Variants in LRRC4C observed in about 807,000 individuals in gnomAD.
LRRC4C encodes the protein leucine-rich repeat-containing protein 4C.
Under a neutral mutation model 33.6 loss-of-function variants are expected in LRRC4C, and 5 were observed. That is an observed-to-expected ratio of 0.15 (90% CI 0.08 to 0.31). LRRC4C has a LOEUF of 0.31. Among genes scored for constraint, LRRC4C ranks in the 10% least tolerant of loss-of-function variants. The pLI is 1.00. For missense variants in LRRC4C, 560 were observed against 796.7 expected (o/e 0.70, Z 3.58); for synonymous variants, 329 against 302.0 (o/e 1.09, Z -0.93).
intron 2 of LRRC4C, among the ~76,000 whole-genome samples, chr11:40,875,683 C>G (rs983910112): frequency 6.6e-6 from 1 of 152,102 alleles, no homozygotes; most frequent in Non-Finnish European, 1.5e-5. Flanking sequence ...CATATTTAAT[C>G]CCTTAACTCA....
At chr11:41,265,432 A>C (rs1027622496) in intron 1 of LRRC4C, among the ~76,000 whole-genome samples, 108 of 152,262 alleles carry the variant, frequency 7.1e-4, no homozygotes, top group African/African-American at 2.5e-3. Flanking sequence ...TAAAATTAAG[A>C]ATAGGGGACC....
chr11:41,104,677 A>C (rs761257198), intron 1 of LRRC4C, among the ~76,000 whole-genome samples: 5 of 151,994 alleles, frequency 3.3e-5, no homozygotes, highest in Admixed American at 6.6e-5. Flanking sequence ...TCGTGGCAAC[A>C]GTATTTATAA....
chr11:41,300,595 C>T (rs1363592308), intron 1 of LRRC4C, among the ~76,000 whole-genome samples: 2 of 152,120 alleles, frequency 1.3e-5, no homozygotes, highest in African/African-American at 4.8e-5. Flanking sequence ...CTTTTCTTCC[C>T]TTTCCGAGGC....
chr11:40,622,655 A>G (rs138441081), intron 3 of LRRC4C, among the ~76,000 whole-genome samples: 7 of 151,896 alleles, frequency 4.6e-5, no homozygotes, highest in Non-Finnish European at 1.0e-4. Flanking sequence ...ACTTAATATT[A>G]TATTGTTTAA....
intron 1 of LRRC4C, among the ~76,000 whole-genome samples, chr11:41,392,134 T>C (rs78850811): frequency 2.0e-5 from 3 of 151,844 alleles, no homozygotes; most frequent in Admixed American, 1.3e-4. Flanking sequence ...CACTATAACA[T>C]GTTTGCTGTG....
chr11:40,396,929 G>GT (rs1271863585), intron 3 of LRRC4C, among the ~76,000 whole-genome samples: 1 of 151,980 alleles, frequency 6.6e-6, no homozygotes, highest in Non-Finnish European at 1.5e-5. Flanking sequence ...TATAATACAA[G>GT]TATTAATAAG....
intron 1 of LRRC4C, among the ~76,000 whole-genome samples, chr11:41,289,108 G>A (rs1415633827): frequency 6.6e-6 from 1 of 152,034 alleles, no homozygotes; most frequent in Non-Finnish European, 1.5e-5. Context: ...CCACATTCAA[G>A]GTTATACAGG....
intron 5 of LRRC4C, among the ~76,000 whole-genome samples, chr11:40,156,501 T>C (rs1460871637): frequency 6.6e-6 from 1 of 152,142 alleles, no homozygotes; most frequent in East Asian, 1.9e-4. Context: ...CAGCAAAGTT[T>C]CTGGATACAA....
At chr11:40,166,255 C>A (rs1039076077) in intron 5 of LRRC4C, among the ~76,000 whole-genome samples, 4 of 152,158 alleles carry the variant, frequency 2.6e-5, no homozygotes, top group Non-Finnish European at 5.9e-5. Flanking sequence ...GTGGTATTTG[C>A]ACCAATGGAA....
chr11:40,434,621 G>GA lies in LRRC4C; in HGVS notation c.-269-114901dup, dbSNP rs1471200517. ...AATCCTAAGAACTCAATCAGGTGGG[G>GA]AAAAAATGCCAGACCTACACTTATC... On this transcript the variant is annotated intron_variant, in intron 3 of 6. Transcript: ENST00000528697. Among the ~76,000 whole-genome samples, 4 of 152,244 alleles carry GA rather than the reference G, an allele frequency of 2.6e-5. No homozygotes were observed. The East Asian group carries it at 5.8e-4, about 22-fold the overall frequency.
rs562293794 is a variant in LRRC4C at position 41,402,106 on chromosome 11, A to G, written c.-496+57325T>C. Among the ~76,000 whole-genome samples the G allele has an allele frequency of 2.6e-5, 4 of 152,136 alleles. No homozygotes were observed. The South Asian group carries it at 8.3e-4, about 31-fold the overall frequency. ...AGAGAGAGATAAAAAATACTACAAT[A>G]CAGTCTGATGAAGGTGTGGACAACA... On this transcript the variant is annotated intron_variant, in intron 1 of 6. Transcript: ENST00000528697.
intron 5 of LRRC4C, among the ~76,000 whole-genome samples, chr11:40,184,263 A>T (rs1281319003): frequency 2.0e-5 from 3 of 152,206 alleles, no homozygotes; most frequent in Non-Finnish European, 4.4e-5. Context: ...AGGGAAGCTG[A>T]AGCCCATGTT....
intron 3 of LRRC4C, among the ~76,000 whole-genome samples, chr11:40,343,906 T>C (rs1004433614): frequency 9.9e-5 from 15 of 151,822 alleles, no homozygotes; most frequent in South Asian, 4.2e-4. Context: ...CTAGAAGAAA[T>C]TGATGAATTC....
At chr11:40,519,897 A>G (rs1590985087) in intron 3 of LRRC4C, among the ~76,000 whole-genome samples, 1 of 152,324 alleles carries the variant, frequency 6.6e-6, no homozygotes, top group African/African-American at 2.4e-5. Flanking sequence ...GTCATGGATG[A>G]AGGTGACTAC....
intron 1 of LRRC4C, among the ~76,000 whole-genome samples, chr11:41,209,440 G>A (rs1946731435): frequency 6.6e-6 from 1 of 151,660 alleles, no homozygotes; most frequent in Non-Finnish European, 1.5e-5. Context: ...AGTAGGAGAG[G>A]ATTATTAGTA....
chr11:40,890,377 T>C (rs1423296852), intron 2 of LRRC4C, among the ~76,000 whole-genome samples: 1 of 152,138 alleles, frequency 6.6e-6, no homozygotes, highest in Non-Finnish European at 1.5e-5. Flanking sequence ...CTGAATTCCC[T>C]TTATGACAAA....
At chr11:40,144,150 T>G (rs1459426338) in intron 5 of LRRC4C, among the ~76,000 whole-genome samples, 1 of 152,176 alleles carries the variant, frequency 6.6e-6, no homozygotes, top group Non-Finnish European at 1.5e-5. Flanking sequence ...AGAGTCAACT[T>G]CAAAAGGTTG....
intron 1 of LRRC4C, among the ~76,000 whole-genome samples, chr11:41,363,031 C>T (rs947004165): frequency 6.6e-6 from 1 of 152,112 alleles, no homozygotes; most frequent in Non-Finnish European, 1.5e-5. Context: ...TTCATGCTAC[C>T]CCAGGTGAGG....
chr11:41,262,323 A>T (rs1949008442), intron 1 of LRRC4C, among the ~76,000 whole-genome samples: 1 of 151,982 alleles, frequency 6.6e-6, no homozygotes, highest in African/African-American at 2.4e-5. Flanking sequence ...AGCCCACAGA[A>T]TCTAAAATAT....
Sources: gnomAD v4.1 joint callset for allele counts (sites outside exome capture counted in the v4.1 genomes callset) on GRCh38, gnomAD v4.1.1 for gene constraint, MANE v1.5 for transcripts, NCBI Gene and HGNC (gene_info 2026-07-23, HGNC 2026-07-21) for gene names.